OSBPL10: variants seen among roughly 807,000 people sequenced by gnomAD.
OSBPL10 encodes the protein oxysterol-binding protein-related protein 10.
A neutral mutation model predicts 81.7 loss-of-function variants in OSBPL10; 49 were observed. That is an observed-to-expected ratio of 0.60 (90% CI 0.48 to 0.76). The LOEUF (loss-of-function observed/expected upper bound fraction) is 0.76, where lower values mean the gene tolerates loss of function less well. Ranked by LOEUF, OSBPL10 falls within the 30% of genes least tolerant of loss-of-function variation. The pLI is 0.00. For missense variants in OSBPL10, 923 were observed against 987.8 expected (o/e 0.93, Z 0.88); for synonymous variants, 419 against 383.6 (o/e 1.09, Z -1.08).
At chr3:31,726,831 T>TTTATTATTA (rs142826584) in intron 6 of OSBPL10, among the ~76,000 whole-genome samples, 19 of 149,524 alleles carry the variant, frequency 1.3e-4, no homozygotes, top group African/African-American at 4.5e-4. Flanking sequence ...TGTGCAAAAA[T>TTTATTATTA]TTATTATTAT....
chr3:31,985,788 T>C (rs1232024036), upstream of OSBPL10, among the ~76,000 whole-genome samples: 3 of 152,222 alleles, frequency 2.0e-5, no homozygotes, highest in Non-Finnish European at 4.4e-5. Flanking sequence ...TAATAGCTAA[T>C]GTATATTGAG....
At chr3:31,999,692 C>T (rs1699126541) in intron 2 of OSBPL10, among the ~76,000 whole-genome samples, 1 of 152,128 alleles carries the variant, frequency 6.6e-6, no homozygotes, top group African/African-American at 2.4e-5. Flanking sequence ...CTTTGCCATT[C>T]ATAAGTTTTG....
chr3:31,986,030 G>A (rs1184784583), upstream of OSBPL10, among the ~76,000 whole-genome samples: 1 of 152,142 alleles, frequency 6.6e-6, no homozygotes, highest in African/African-American at 2.4e-5. Flanking sequence ...CACTTGCTTT[G>A]CAATGAATCC....
At chr3:32,028,386 A>G (rs1699435870) in intron 2 of OSBPL10, among the ~76,000 whole-genome samples, 1 of 152,202 alleles carries the variant, frequency 6.6e-6, no homozygotes, top group African/African-American at 2.4e-5. Flanking sequence ...TATCTCAGTA[A>G]ACAGTACTAC....
intron 6 of OSBPL10, among the ~76,000 whole-genome samples, chr3:31,729,051 A>G (rs1167589612): frequency 1.3e-5 from 2 of 152,180 alleles, no homozygotes; most frequent in Non-Finnish European, 2.9e-5. Context: ...TTTGAATTAG[A>G]TTTGGATTAG....
At chr3:31,989,369 T>A (rs761319827) in intron 2 of OSBPL10, 19 of 1,614,050 alleles carry the variant, frequency 1.2e-5, no homozygotes, top group Non-Finnish European at 1.6e-5. Flanking sequence ...AGTCATCACA[T>A]TGGAGATTTT....
intron 4 of OSBPL10, among the ~76,000 whole-genome samples, chr3:31,788,814 G>A (rs1211531391): frequency 6.6e-6 from 1 of 151,930 alleles, no homozygotes; most frequent in African/African-American, 2.4e-5. Context: ...TTGGCTTTAT[G>A]GAATTATTAA....
chr3:31,847,750 G>A (rs1399724800), intron 3 of OSBPL10, among the ~76,000 whole-genome samples: 1 of 152,074 alleles, frequency 6.6e-6, no homozygotes, highest in Non-Finnish European at 1.5e-5. Flanking sequence ...TTGCACAGAG[G>A]ATGGAACAGC....
intron 4 of OSBPL10, among the ~76,000 whole-genome samples, chr3:31,751,594 C>A (rs986513370): frequency 6.6e-6 from 1 of 152,026 alleles, no homozygotes; most frequent in African/African-American, 2.4e-5. Flanking sequence ...AAGAACACTG[C>A]CGTTTAAAAT....
At chr3:31,691,174 G>A (rs2125566537) in intron 7 of OSBPL10, among the ~76,000 whole-genome samples, 1 of 152,028 alleles carries the variant, frequency 6.6e-6, no homozygotes, top group East Asian at 1.9e-4. Context: ...ACTATTTGGG[G>A]GGAAGGAAAA....
chr3:31,733,479 T>C (rs3813824), intron 5 of OSBPL10, 68 bp from the exon 6 acceptor site: 86,743 of 1,592,244 alleles, frequency 0.054, 4,448 homozygotes, highest in African/African-American at 0.28. Flanking sequence ...ATGAAATATT[T>C]GTACTCACTG....
chr3:32,054,526 C>CTTGTTTTT (rs1699692301), intron 1 of OSBPL10, among the ~76,000 whole-genome samples: 2 of 86,604 alleles, frequency 2.3e-5, no homozygotes, highest in Non-Finnish European at 4.0e-5. Context: ...TCAATGGTGG[C>CTTGTTTTT]TTTTTTTTTT....
rs183645537 is a variant in OSBPL10 at position 32,035,205 on chromosome 3, A to G, written n.298+11286T>C. Among the ~76,000 whole-genome samples, 674 of 152,282 alleles carry G rather than the reference A, an allele frequency of 4.4e-3. 3 individuals carry two copies. Among genetic ancestry groups the G allele is most frequent in the African/African-American group, 0.014 (590 of 41,542 alleles). On this transcript the variant is annotated intron_variant and non_coding_transcript_variant, in intron 2 of 3. Transcript: ENST00000479173. The stretch of plus-strand genomic sequence containing the variant: ...GCCTGCCTGAAGAAAATTATTTTAA[A>G]AAGAAAAGAAAGAAAGAAAATGTAC...
intron 11 of OSBPL10, chr3:31,663,110 GC>G: frequency 1.0e-6 from 1 of 985,374 alleles, no homozygotes; most frequent in Non-Finnish European, 1.2e-6. Flanking sequence ...TCACTTCTCA[GC>G]CTCGTATATA....
At chr3:31,825,799 A>T (rs747979734) in intron 4 of OSBPL10, among the ~76,000 whole-genome samples, 12 of 152,166 alleles carry the variant, frequency 7.9e-5, no homozygotes, top group Non-Finnish European at 1.6e-4. Flanking sequence ...CTATTTCTAA[A>T]ACTTCGTTTG....
chr3:31,827,502 G>A (rs1008122052), intron 4 of OSBPL10, among the ~76,000 whole-genome samples: 1 of 152,052 alleles, frequency 6.6e-6, no homozygotes, highest in African/African-American at 2.4e-5. Flanking sequence ...CAGGCGTGGT[G>A]GTGGATGCCT....
chr3:31,733,047 T>A (rs968951010), intron 6 of OSBPL10: 1 of 622,264 alleles, frequency 1.6e-6, no homozygotes, highest in Non-Finnish European at 2.7e-6. Context: ...ATTCGTAGGA[T>A]CACAATTCAC....
chr3:31,812,398 A>T (rs1295839792), intron 4 of OSBPL10, among the ~76,000 whole-genome samples: 1 of 152,164 alleles, frequency 6.6e-6, no homozygotes. Flanking sequence ...GTTAAAGGGC[A>T]CCTTTCCCCA....
intron 1 of OSBPL10, among the ~76,000 whole-genome samples, chr3:31,933,454 G>C (rs1293152682): frequency 1.3e-5 from 2 of 151,572 alleles, no homozygotes; most frequent in African/African-American, 4.9e-5. Flanking sequence ...GCCCAGGCTG[G>C]AATGCAGTGG....
Sources: gnomAD v4.1 joint callset for allele counts (sites outside exome capture counted in the v4.1 genomes callset) on GRCh38, gnomAD v4.1.1 for gene constraint, MANE v1.5 for transcripts, NCBI Gene and HGNC (gene_info 2026-07-23, HGNC 2026-07-21) for gene names.